CCSER1: variants seen among roughly 807,000 people sequenced by gnomAD.
CCSER1 encodes coiled-coil serine rich protein 1, also known as serine-rich coiled-coil domain-containing protein 1.
Under a neutral mutation model 82.0 loss-of-function variants are expected in CCSER1, and 41 were observed. The ratio of observed to expected loss-of-function variants is 0.50; its 90% CI spans 0.39 to 0.65. The LOEUF (loss-of-function observed/expected upper bound fraction) is 0.65. Ranked by LOEUF, CCSER1 falls within the 30% of genes least tolerant of loss-of-function variation. CCSER1 has a pLI of 0.00. For synonymous variants in CCSER1, 414 were observed against 383.9 expected (o/e 1.08, Z -0.92); for missense variants, 1,119 against 1,064.2 (o/e 1.05, Z -0.72).
chr4:90,538,133 T>C (rs72885068), intron 5 of CCSER1, among the ~76,000 whole-genome samples: 10,943 of 152,192 alleles, frequency 0.072, 1,369 homozygotes, highest in African/African-American at 0.25. Flanking sequence ...AGGTGGATTT[T>C]ATTTTTCTAG....
At chr4:91,053,504 G>T (rs895639755) in intron 9 of CCSER1, among the ~76,000 whole-genome samples, 2 of 152,146 alleles carry the variant, frequency 1.3e-5, no homozygotes, top group African/African-American at 4.8e-5. Context: ...CACAGATTTG[G>T]TTCATTTAGC....
At chr4:90,966,306 A>T (rs1260927544) in intron 9 of CCSER1, among the ~76,000 whole-genome samples, 1 of 152,070 alleles carries the variant, frequency 6.6e-6, no homozygotes, top group Non-Finnish European at 1.5e-5. Context: ...AACACATAGT[A>T]GTTGAACTGT....
intron 5 of CCSER1, among the ~76,000 whole-genome samples, chr4:90,476,021 C>T (rs532543600): frequency 4.0e-5 from 6 of 148,392 alleles, no homozygotes; most frequent in African/African-American, 1.5e-4. Flanking sequence ...CTTCTTTTCT[C>T]GTGTGTGTGT....
rs1722009132 is a variant in CCSER1 at position 90,127,662 on chromosome 4, T to C, written c.-211T>C. 1 of 152,790 alleles carries C rather than the reference T, an allele frequency of 6.5e-6. No individual in the cohort carries two copies. Among genetic ancestry groups the C allele is most frequent in the African/African-American group, 2.4e-5 (1 of 41,372 alleles). 9.5% of individuals were successfully genotyped at this position (152,790 alleles called of 1,614,324 possible). The stretch of plus-strand genomic sequence containing the variant: ...GCGCAGGCAGGAGGAGCAGGAGGAT[T>C]ATTAAATAACGCAGCTGGACTCTGT... On this transcript the variant is annotated 5_prime_UTR_variant, in exon 1 of 11. Coordinates refer to ENST00000509176, the MANE Select transcript of CCSER1 (RefSeq NM_001145065.2).
At chr4:90,768,365 C>G (rs1376930214) in intron 7 of CCSER1, among the ~76,000 whole-genome samples, 1 of 152,136 alleles carries the variant, frequency 6.6e-6, no homozygotes, top group African/African-American at 2.4e-5. Flanking sequence ...CTGGAGGCAC[C>G]AACATAAGCT....
intron 10 of CCSER1, among the ~76,000 whole-genome samples, chr4:91,386,593 T>C (rs373408810): frequency 8.4e-4 from 128 of 152,206 alleles, no homozygotes; most frequent in African/African-American, 2.9e-3. Context: ...GAAATTATGA[T>C]GCGGAGCATG....
At chr4:90,325,899 G>A (rs1392700500) in intron 3 of CCSER1, among the ~76,000 whole-genome samples, 1 of 151,866 alleles carries the variant, frequency 6.6e-6, no homozygotes, top group Non-Finnish European at 1.5e-5. Flanking sequence ...AAAAAATATA[G>A]AAATATCTAA....
chr4:91,149,546 C>G (rs1259130349), intron 10 of CCSER1, among the ~76,000 whole-genome samples: 2 of 152,122 alleles, frequency 1.3e-5, no homozygotes, highest in South Asian at 4.1e-4. Context: ...GACATGAAGA[C>G]CTTGCCCATG....
At chr4:91,300,271 G>T (rs971692430) in intron 10 of CCSER1, among the ~76,000 whole-genome samples, 1 of 151,786 alleles carries the variant, frequency 6.6e-6, no homozygotes, top group African/African-American at 2.4e-5. Context: ...TTTTGATAAT[G>T]GGAATTTTAT....
chr4:91,256,436 G>A (rs1581852862), intron 10 of CCSER1, among the ~76,000 whole-genome samples: 1 of 152,162 alleles, frequency 6.6e-6, no homozygotes, highest in African/African-American at 2.4e-5. Flanking sequence ...CTTGAAGCAT[G>A]TGATCTCTGT....
chr4:91,510,289 A>C (rs1578656858), intron 10 of CCSER1, among the ~76,000 whole-genome samples: 1 of 152,056 alleles, frequency 6.6e-6, no homozygotes, highest in Non-Finnish European at 1.5e-5. Context: ...TATCTTTGCT[A>C]TTGTGAATAG....
chr4:90,783,234 A>C (rs533835606), intron 7 of CCSER1, among the ~76,000 whole-genome samples: 2 of 152,190 alleles, frequency 1.3e-5, no homozygotes, highest in Non-Finnish European at 2.9e-5. Context: ...ATTCCTTAAA[A>C]TAAGAAAAAT....
chr4:90,183,566 C>T (rs1244190553), intron 1 of CCSER1, among the ~76,000 whole-genome samples: 2 of 152,022 alleles, frequency 1.3e-5, no homozygotes, highest in African/African-American at 2.4e-5. Context: ...CACACACACT[C>T]GTGCAAGAAT....
chr4:90,588,422 A>G (rs1782282174), intron 5 of CCSER1, among the ~76,000 whole-genome samples: 1 of 152,178 alleles, frequency 6.6e-6, no homozygotes, highest in Non-Finnish European at 1.5e-5. Context: ...TTCCTTCTTC[A>G]TTTATAAGAA....
intron 10 of CCSER1, among the ~76,000 whole-genome samples, chr4:91,301,481 A>T (rs1013986723): frequency 1.1e-4 from 17 of 151,290 alleles, no homozygotes; most frequent in African/African-American, 3.9e-4. Flanking sequence ...GTTTCTCATT[A>T]TAGGTGTGTT....
chr4:90,418,225 C>A (rs888077442), intron 4 of CCSER1, among the ~76,000 whole-genome samples: 33 of 151,946 alleles, frequency 2.2e-4, no homozygotes, highest in Admixed American at 2.2e-3. Flanking sequence ...TCATGTCCAG[C>A]ATATATATTT....
intron 1 of CCSER1, among the ~76,000 whole-genome samples, chr4:90,172,697 C>A (rs528768641): frequency 6.6e-6 from 1 of 151,902 alleles, no homozygotes; most frequent in South Asian, 2.1e-4. Context: ...AGATCCTGTA[C>A]TCTTAACCAC....
intron 10 of CCSER1, among the ~76,000 whole-genome samples, chr4:91,480,220 T>C (rs1757833027): frequency 6.6e-6 from 1 of 152,172 alleles, no homozygotes; most frequent in Admixed American, 6.5e-5. Context: ...CATGTGTCTT[T>C]ATAGCAGCAT....
Position 90,962,416 on chromosome 4 carries a change from G to GA in CCSER1, c.2172+38972dup, listed in dbSNP as rs1734134190. Among the ~76,000 whole-genome samples the GA allele has an allele frequency of 2.0e-5, 3 of 152,076 alleles. No individual in the cohort carries two copies. The South Asian group carries it at 6.2e-4, about 32-fold the overall frequency. On this transcript the variant is annotated intron_variant, in intron 9 of 10. Transcript: ENST00000509176. ...TAATATACTATTTAAACATAGCAATGAAAGAATATTATTTTGACTACATTA... is the reference window on the plus strand; with the variant it reads ...TAATATACTATTTAAACATAGCAATGAAAAGAATATTATTTTGACTACATTA...
Sources: gnomAD v4.1 joint callset for allele counts (sites outside exome capture counted in the v4.1 genomes callset) on GRCh38, gnomAD v4.1.1 for gene constraint, MANE v1.5 for transcripts, NCBI Gene and HGNC (gene_info 2026-07-23, HGNC 2026-07-21) for gene names.